The following CLASP1 variants were observed in gnomAD, a reference collection of about 807,000 sequenced individuals.
CLASP1 encodes CLIP-associating protein 1.
A neutral mutation model predicts 192.3 loss-of-function variants in CLASP1; 38 were observed. The ratio of observed to expected loss-of-function variants is 0.20; its 90% CI spans 0.15 to 0.26. The LOEUF (loss-of-function observed/expected upper bound fraction) is 0.26. CLASP1 is among the 10% of genes least tolerant of loss of function. The pLI is 1.00. For missense variants in CLASP1, 1,433 were observed against 1,932.5 expected (o/e 0.74, Z 4.85); for synonymous variants, 691 against 712.8 (o/e 0.97, Z 0.49).
At chr2:121,479,220 G>T (rs575063715) in intron 8 of CLASP1, among the ~76,000 whole-genome samples, 1 of 151,778 alleles carries the variant, frequency 6.6e-6, no homozygotes, top group East Asian at 1.9e-4. Flanking sequence ...AAAAAAGCAT[G>T]CAGACTGGAT....
rs1269638672 is a variant in CLASP1 at position 121,639,510 on chromosome 2, T to A, written c.-286+9862A>T. 3.3e-5 allele frequency among the ~76,000 whole-genome samples: 5 copies of A among 152,124 alleles called. No individual in the cohort carries two copies. The East Asian group carries it at 9.6e-4, about 29-fold the overall frequency. ...TGATGGAAAAGATTTGGAAACAGAT[T>A]ATGGCAATGGTGGCACAATAGCATT... On this transcript the variant is annotated intron_variant, in intron 1 of 39. Coordinates refer to ENST00000263710, the Ensembl canonical transcript of CLASP1.
intron 7 of CLASP1, among the ~76,000 whole-genome samples, chr2:121,509,413 A>G (rs2094044359): frequency 6.6e-6 from 1 of 152,124 alleles, no homozygotes; most frequent in Non-Finnish European, 1.5e-5. Context: ...GGCTCAAGCA[A>G]TCCTTCCGTC....
intron 1 of CLASP1, among the ~76,000 whole-genome samples, chr2:121,639,442 A>C (rs2071590674): frequency 1.3e-5 from 2 of 152,162 alleles, no homozygotes; most frequent in Non-Finnish European, 2.9e-5. Flanking sequence ...AGACAGAGGA[A>C]TGGGGAGTTA....
chr2:121,498,259 A>C (rs1272867260), intron 8 of CLASP1, among the ~76,000 whole-genome samples: 2 of 140,484 alleles, frequency 1.4e-5, no homozygotes, highest in African/African-American at 5.7e-5. Flanking sequence ...GCGCAGTGGT[A>C]CAATCTCAGC....
chr2:121,468,808 A>G (rs6541779), intron 9 of CLASP1, among the ~76,000 whole-genome samples: 38,127 of 151,914 alleles, frequency 0.25, 7,631 homozygotes, highest in African/African-American at 0.55. Context: ...CCTTTAGCTC[A>G]GTGAAGTTCG....
intron 1 of CLASP1, among the ~76,000 whole-genome samples, chr2:121,635,576 G>A (rs1156829541): frequency 6.6e-6 from 1 of 152,178 alleles, no homozygotes; most frequent in Non-Finnish European, 1.5e-5. Flanking sequence ...ACTCCCCAGA[G>A]AGGTCTGATC....
intron 2 of CLASP1, among the ~76,000 whole-genome samples, chr2:121,597,768 T>A (rs755900561): frequency 1.3e-5 from 2 of 152,208 alleles, no homozygotes; most frequent in African/African-American, 2.4e-5. Flanking sequence ...AAGGTACAGG[T>A]ACTTGCACTG....
chr2:121,348,820 A>T, intron 37 of CLASP1, 102 bp from the exon 39 acceptor site: 2 of 1,048,362 alleles, frequency 1.9e-6, no homozygotes, highest in Non-Finnish European at 2.7e-6. Flanking sequence ...AATGACCTCA[A>T]TGTCAGACGG....
At chr2:121,566,783 G>A (rs2059542407) in intron 2 of CLASP1, among the ~76,000 whole-genome samples, 1 of 152,076 alleles carries the variant, frequency 6.6e-6, no homozygotes, top group South Asian at 2.1e-4. Context: ...TTACCCACTG[G>A]ACTATTTTCT....
chr2:121,564,186 G>A (rs2059321880), intron 2 of CLASP1, among the ~76,000 whole-genome samples: 1 of 152,262 alleles, frequency 6.6e-6, no homozygotes, highest in Middle Eastern at 3.4e-3. Flanking sequence ...TATTCCAAAT[G>A]AGGAATTCAC....
At chr2:121,342,714 G>A (rs2062936456) in intron 39 of CLASP1, among the ~76,000 whole-genome samples, 1 of 152,146 alleles carries the variant, frequency 6.6e-6, no homozygotes, top group Admixed American at 6.6e-5. Context: ...GCTGAGGTGG[G>A]AGAATCGTTT....
chr2:121,604,951 T>G (rs908767426), intron 2 of CLASP1, among the ~76,000 whole-genome samples: 1 of 152,098 alleles, frequency 6.6e-6, no homozygotes, highest in Non-Finnish European at 1.5e-5. Flanking sequence ...GGCCACCCTC[T>G]AGGGAAATGA....
intron 6 of CLASP1, among the ~76,000 whole-genome samples, chr2:121,521,664 C>T (rs531494783): frequency 1.3e-5 from 2 of 152,310 alleles, no homozygotes; most frequent in South Asian, 2.1e-4. Context: ...TCACTGCATT[C>T]GGACCACCAA....
At chr2:121,411,551 TA>T (rs139783705) in intron 23 of CLASP1, among the ~76,000 whole-genome samples, 1 of 152,108 alleles carries the variant, frequency 6.6e-6, no homozygotes, top group African/African-American at 2.4e-5. Context: ...TAATAATCAC[TA>T]AAAAAATCTA....
At chr2:121,500,247 T>C (rs1416022021) in intron 8 of CLASP1, among the ~76,000 whole-genome samples, 5 of 149,868 alleles carry the variant, frequency 3.3e-5, no homozygotes, top group African/African-American at 1.2e-4. Flanking sequence ...CACTGGGAGT[T>C]GTGTTTTAAA....
At chr2:121,445,311 G>A (rs1447875038) in intron 19 of CLASP1, 2 of 410,840 alleles carry the variant, frequency 4.9e-6, no homozygotes, top group Non-Finnish European at 4.6e-6. Flanking sequence ...GCAGAACAGG[G>A]CAGAGAGGAG....
intron 37 of CLASP1, among the ~76,000 whole-genome samples, chr2:121,357,706 CTG>C (rs2065670906): frequency 6.6e-6 from 1 of 152,230 alleles, no homozygotes; most frequent in Non-Finnish European, 1.5e-5. Flanking sequence ...GAAATAGACA[CTG>C]TGCCTGGCAC....
intron 9 of CLASP1, among the ~76,000 whole-genome samples, chr2:121,466,371 T>C (rs2089581697): frequency 6.6e-6 from 1 of 152,214 alleles, no homozygotes; most frequent in African/African-American, 2.4e-5. Context: ...AGTGGTCCCA[T>C]GCTGGTCTGG....
At chr2:121,380,549 G>A (rs1293096703) in intron 33 of CLASP1, among the ~76,000 whole-genome samples, 4 of 152,306 alleles carry the variant, frequency 2.6e-5, no homozygotes, top group South Asian at 4.1e-4. Flanking sequence ...GATCCATGTC[G>A]TGGGGAGGGA....
Sources: gnomAD v4.1 joint callset for allele counts (sites outside exome capture counted in the v4.1 genomes callset) on GRCh38, gnomAD v4.1.1 for gene constraint, MANE v1.5 for transcripts, NCBI Gene and HGNC (gene_info 2026-07-23, HGNC 2026-07-21) for gene names.